Variants in PLCB4 observed in about 807,000 individuals in gnomAD.
PLCB4 encodes phospholipase C beta 4.
In PLCB4, 77 loss-of-function variants were observed where a neutral mutation model predicts 178.8. The ratio of observed to expected loss-of-function variants is 0.43; its 90% confidence interval spans 0.36 to 0.52. The LOEUF (loss-of-function observed/expected upper bound fraction) is 0.52, where lower values mean the gene tolerates loss of function less well. Among genes scored for constraint, PLCB4 ranks in the 20% least tolerant of loss-of-function variants. The pLI is 0.00. For synonymous variants in PLCB4, 496 were observed against 490.8 expected, an observed-to-expected ratio of 1.01 and a Z score of -0.14; for missense variants, 1,024 against 1,453.4, an observed-to-expected ratio of 0.70 and a Z score of 4.80.
At chr20:9,104,378 C>T (rs1268636399) in intron 2 of PLCB4, among the ~76,000 whole-genome samples, 1 of 152,144 alleles carries the variant, frequency 6.6e-6, no homozygotes, top group African/African-American at 2.4e-5. Flanking sequence ...GGATTATAGT[C>T]AAGCAGCCAC....
intron 3 of PLCB4, among the ~76,000 whole-genome samples, chr20:9,295,134 C>T (rs1371035761): frequency 6.6e-6 from 1 of 152,120 alleles, no homozygotes; most frequent in Non-Finnish European, 1.5e-5. Context: ...TCTGTGACCT[C>T]TACCTAAAAC....
Position 9,158,273 on chromosome 20 carries a change from T to C in PLCB4, c.-78-59117T>C, listed in dbSNP as rs1234882591. Among the ~76,000 whole-genome samples, 3 of 146,746 alleles carry C rather than the reference T, an allele frequency of 2.0e-5. No homozygotes were observed. In the East Asian group the frequency reaches 5.9e-4, roughly 29 times the overall value. On this transcript the variant is annotated intron_variant, in intron 2 of 39. Coordinates refer to ENST00000378473, the MANE Select transcript of PLCB4 (RefSeq NM_001377142.1). ...TCTATTATTATTTAATGTTTCTCAC[T>C]TTTTTTTTTTGAGACAGAGTCTTGC...
intron 19 of PLCB4, among the ~76,000 whole-genome samples, chr20:9,400,545 GT>G (rs1035031841): frequency 1.3e-5 from 2 of 152,062 alleles, no homozygotes; most frequent in Admixed American, 6.6e-5. Flanking sequence ...ATTTTAGTGG[GT>G]TTTTTTGTTT....
chr20:9,190,257 T>C (rs1443503787), intron 2 of PLCB4, among the ~76,000 whole-genome samples: 2 of 152,036 alleles, frequency 1.3e-5, no homozygotes, highest in African/African-American at 4.8e-5. Context: ...CCAACTCTCA[T>C]CTCAAATTGT....
intron 2 of PLCB4, among the ~76,000 whole-genome samples, chr20:9,193,174 G>A (rs541905071): frequency 2.6e-5 from 4 of 152,188 alleles, no homozygotes; most frequent in East Asian, 1.9e-4. Flanking sequence ...TGAAGCAGAC[G>A]CCATGACAAA....
At chr20:9,141,323 C>G (rs1436990414) in intron 2 of PLCB4, among the ~76,000 whole-genome samples, 1 of 152,150 alleles carries the variant, frequency 6.6e-6, no homozygotes, top group Non-Finnish European at 1.5e-5. Flanking sequence ...ACGGATGCAC[C>G]TCTGAGCATA....
intron 24 of PLCB4, among the ~76,000 whole-genome samples, chr20:9,410,040 A>AT (rs1417378388): frequency 1.3e-5 from 2 of 152,130 alleles, no homozygotes; most frequent in East Asian, 3.9e-4. Context: ...CAATTTGAGG[A>AT]TTTTTTAAAA....
At chr20:9,090,511 TG>T (rs11087836) in intron 1 of PLCB4, among the ~76,000 whole-genome samples, 71,141 of 145,660 alleles carry the variant, frequency 0.49, 17,626 homozygotes, top group Middle Eastern at 0.56. Flanking sequence ...ATTTTTAGTG[TG>T]TTTTTTTTTT....
chr20:9,410,258 G>A (rs1408097908), intron 24 of PLCB4, among the ~76,000 whole-genome samples: 1 of 152,138 alleles, frequency 6.6e-6, no homozygotes, highest in Non-Finnish European at 1.5e-5. Flanking sequence ...GTTAGACTGT[G>A]ACGTGATAGC....
At chr20:9,091,301 G>T (rs148704771) in intron 1 of PLCB4, among the ~76,000 whole-genome samples, 1 of 152,106 alleles carries the variant, frequency 6.6e-6, no homozygotes, top group African/African-American at 2.4e-5. Context: ...TCACTATCTG[G>T]GTCATGTGGA....
intron 26 of PLCB4, 35 bp downstream of exon 26, chr20:9,419,944 G>T (rs370820093): frequency 9.9e-6 from 12 of 1,215,834 alleles, no homozygotes; most frequent in African/African-American, 8.9e-5. Flanking sequence ...TAGTATAAAT[G>T]TATACACAAG....
intron 24 of PLCB4, among the ~76,000 whole-genome samples, chr20:9,409,732 CTCAAAG>C (rs2039720731): frequency 6.6e-6 from 1 of 152,118 alleles, no homozygotes; most frequent in South Asian, 2.1e-4. Flanking sequence ...CCAAAGTGTA[CTCAAAG>C]TCAGGTTTCC....
chr20:9,448,233 A>C (rs1418638478), intron 32 of PLCB4, among the ~76,000 whole-genome samples: 1 of 152,144 alleles, frequency 6.6e-6, no homozygotes, highest in East Asian at 1.9e-4. Context: ...TTGCCACATA[A>C]TAGTAAGAAT....
rs1352219083 is a variant in PLCB4 at position 9,117,551 on chromosome 20, A to G, written c.-79+21209A>G. 2.0e-5 allele frequency among the ~76,000 whole-genome samples: 3 copies of G among 152,196 alleles called. No homozygotes were observed. The East Asian group carries it at 5.8e-4, about 29-fold the overall frequency. ...AGAATTATCTTCAAAAATTTAAATA[A>G]GATTGTGTGATTCCCCTGCTGAAAA... On this transcript the variant is annotated intron_variant, in intron 2 of 39. Coordinates refer to ENST00000378473, the MANE Select transcript of PLCB4 (RefSeq NM_001377142.1).
chr20:9,271,154 G>A (rs1423582666), intron 3 of PLCB4, among the ~76,000 whole-genome samples: 1 of 152,106 alleles, frequency 6.6e-6, no homozygotes, highest in Non-Finnish European at 1.5e-5. Context: ...ACTTACCCCT[G>A]CCTGTTTTCT....
chr20:9,439,904 G>C (rs767061480), intron 30 of PLCB4, among the ~76,000 whole-genome samples: 7 of 152,212 alleles, frequency 4.6e-5, no homozygotes, highest in Non-Finnish European at 8.8e-5. Context: ...ATTTAAATAA[G>C]TAAGCATCTA....
rs6039439 is a variant in PLCB4, at chr20:9,331,481, A to G, written c.85-5645A>G. 4.0e-3 allele frequency among the ~76,000 whole-genome samples: 613 copies of G among 152,290 alleles called. 4 individuals are homozygous for G. Among genetic ancestry groups the G allele is most frequent in the African/African-American group, 0.013 (538 of 41,564 alleles). On this transcript the variant is annotated intron_variant, in intron 4 of 39. Transcript: ENST00000378473. ...AGAGGGCAAGAGAGAAAGGGTAAGAAATAACTACAACTCACAATTAAAATA... is the reference window on the plus strand; with the variant it reads ...AGAGGGCAAGAGAGAAAGGGTAAGAGATAACTACAACTCACAATTAAAATA...
chr20:9,342,998 A>G (rs1455998583), intron 7 of PLCB4, among the ~76,000 whole-genome samples: 1 of 152,184 alleles, frequency 6.6e-6, no homozygotes, highest in East Asian at 1.9e-4. Flanking sequence ...CCCATGGTAG[A>G]CATGTAAGGT....
intron 2 of PLCB4, among the ~76,000 whole-genome samples, chr20:9,138,925 G>A (rs1180034271): frequency 2.0e-5 from 3 of 152,060 alleles, no homozygotes; most frequent in Non-Finnish European, 4.4e-5. Flanking sequence ...AGAGGCATGA[G>A]CAAAATGGTA....
Sources: gnomAD v4.1 joint callset for allele counts (sites outside exome capture counted in the v4.1 genomes callset) on GRCh38, gnomAD v4.1.1 for gene constraint, MANE v1.5 for transcripts, NCBI Gene and HGNC (gene_info 2026-07-23, HGNC 2026-07-21) for gene names.